Variants in MSL3 observed in about 807,000 individuals in gnomAD.
MSL3 encodes the protein MSL complex subunit 3, also known as MSL3-like 1.
MSL3 carries 5 observed loss-of-function variants against 37.2 expected under a neutral mutation model. That is an observed-to-expected ratio of 0.13 (90% CI 0.07 to 0.28). The LOEUF (loss-of-function observed/expected upper bound fraction) is 0.28. MSL3 is among the 10% of genes least tolerant of loss of function. MSL3 has a pLI of 1.00. For missense variants in MSL3, 315 were observed against 408.5 expected (o/e 0.77, Z 1.97); for synonymous variants, 149 against 147.6 (o/e 1.01, Z -0.07).
intron 12 of MSL3, among the ~76,000 whole-genome samples, chrX:11,773,258 G>T (rs1410777281): frequency 8.9e-6 from 1 of 111,979 alleles, no homozygotes; most frequent in African/African-American, 3.2e-5. Context: ...AGGATCATTT[G>T]ATCTGAGGCT....
At chrX:11,770,697 C>G (rs1289013844) in intron 10 of MSL3, among the ~76,000 whole-genome samples, 2 of 111,526 alleles carry the variant, frequency 1.8e-5, no homozygotes, top group African/African-American at 6.5e-5. Context: ...CCATGCATAC[C>G]CCACTGGGAA....
intron 9 of MSL3, chrX:11,768,370 C>T (rs998167527): frequency 5.7e-6 from 2 of 352,431 alleles, no homozygotes; most frequent in Middle Eastern, 7.9e-4. Context: ...AAGGTTCATC[C>T]ACATTGTAGC....
At position 11,775,173 on chromosome X, in the gene MSL3, A is replaced by G; in HGVS notation, c.*94A>G. On this transcript the variant is annotated 3_prime_UTR_variant, in exon 13 of 13. Transcript: ENST00000312196. ...AACAAGGTGGTGGGTCTTTACCCAC[A>G]GCGCAAACACAATGCCCACCTTGGG... 1.6e-6 allele frequency: 1 copy of G among 615,824 alleles called. No homozygotes were observed. Among genetic ancestry groups the G allele is most frequent in the Non-Finnish European group, 2.7e-6 (1 of 376,157 alleles). The allele number at this position is 615,824 out of a possible 1,213,427, so 50.8% of individuals were successfully genotyped here. A position where few individuals can be genotyped will look rare whatever the true frequency, so the allele number is the denominator to read the frequency against.
At chrX:11,763,072 A>G in intron 7 of MSL3, 75 bp downstream of exon 7, 3 of 818,943 alleles carry the variant, frequency 3.7e-6, no homozygotes, top group Non-Finnish European at 3.4e-6. Context: ...AACAGGTGAC[A>G]CTTGTCTCTA....
intron 1 of MSL3, chrX:11,758,861 T>C: frequency 1.0e-6 from 1 of 964,468 alleles, no homozygotes; most frequent in Non-Finnish European, 1.4e-6. Flanking sequence ...CCATCCCGCC[T>C]GTAGGCCGTG....
chrX:11,758,502 G>A (rs1302830475), intron 1 of MSL3, 137 bp downstream of exon 1: 1 of 1,012,394 alleles, frequency 9.9e-7, no homozygotes, highest in Non-Finnish European at 1.3e-6. Context: ...CGGCCGGCAG[G>A]GGGCGCTCAC....
chrX:11,758,787 G>A, intron 1 of MSL3: 1 of 1,163,381 alleles, frequency 8.6e-7, no homozygotes, highest in Non-Finnish European at 1.1e-6. Context: ...CTAATTCATA[G>A]TTACACGGCG....
Position 11,768,584 on chromosome X carries a change from C to T in MSL3, c.1183C>T (p.His395Tyr). The T allele has an allele frequency of 8.4e-7, 1 of 1,192,918 alleles. No individual in the cohort carries two copies. ...TTTTTCTTTGGAAGAGACACCTGTG[C>T]ATAGCAGATCATCTTCACCTATTCC... ...FLHLEKKTPV[H>Y]SRSSSPIPLT... is the part of the protein sequence containing the mutation. The change falls in exon 10 of 13, where the codon CAT becomes TAT. Residue 395 changes from histidine to tyrosine, a missense_variant. Coordinates refer to ENST00000312196, the MANE Select transcript of MSL3 (RefSeq NM_078629.4).
At chrX:11,760,110 A>T (rs183384199) in intron 2 of MSL3, 3 of 391,370 alleles carry the variant, frequency 7.7e-6, no homozygotes, top group East Asian at 8.4e-5. Context: ...CTTGTAGAGA[A>T]GTTTGATTCA....
intron 1 of MSL3, 153 bp from the exon 2 acceptor site, chrX:11,759,640 A>G (rs2147242012): frequency 9.1e-7 from 1 of 1,099,113 alleles, no homozygotes; most frequent in East Asian, 3.3e-5. Flanking sequence ...ACTTGGGGGA[A>G]AAAAATGAAA....
At chrX:11,767,827 G>A in intron 9 of MSL3, 1 of 727,235 alleles carries the variant, frequency 1.4e-6, no homozygotes, top group Non-Finnish European at 1.6e-6. Context: ...AGATTTGCCA[G>A]TTTGGGGCAT....
chrX:11,774,438 G>A (rs778019520), intron 12 of MSL3, among the ~76,000 whole-genome samples: 1 of 111,278 alleles, frequency 9.0e-6, no homozygotes, highest in South Asian at 3.8e-4. Flanking sequence ...TCCTGCCTCA[G>A]CCTCCCGAGT....
chrX:11,767,977 T>A (rs1248862033), intron 9 of MSL3: 5 of 724,618 alleles, frequency 6.9e-6, no homozygotes, highest in Non-Finnish European at 4.9e-6. Flanking sequence ...CTTTTTCTGT[T>A]TCTCTTTGTA....
chrX:11,765,691 C>T lies in MSL3; in HGVS notation c.1133C>T (p.Ser378Phe). 1.6e-6 allele frequency: 2 copies of T among 1,212,153 alleles called. No homozygotes were observed. The highest frequency in any genetic ancestry group is 1.1e-6 in the Non-Finnish European group (1 of 895,566). Residue 378 changes from serine to phenylalanine, a missense_variant, in exon 9 of 13, where the codon TCC (serine) becomes TTC (phenylalanine). Transcript: ENST00000312196. ...CCCAAGCGCCGGCAGCAGGACACAT[C>T]CGCCAGCATGCCCAAGCTCTTCCTG... is the stretch of plus-strand genomic sequence containing the variant. Reference protein sequence around the residue: ...PQPKRRQQDTSASMPKLFLHL... With the variant: ...PQPKRRQQDTFASMPKLFLHL...
In MSL3 at chrX:11,768,570, A is replaced by T; in HGVS notation, c.1172-3A>T. 2.6e-6 allele frequency: 3 copies of T among 1,158,496 alleles called. No homozygotes were observed. The highest frequency in any genetic ancestry group is 3.5e-6 in the Non-Finnish European group (3 of 848,547). ...TGAATAATTTCATCTTTTTCTTTGG[A>T]AGAGACACCTGTGCATAGCAGATCA... On this transcript the variant is annotated splice_region_variant and splice_polypyrimidine_tract_variant and intron_variant, in intron 9 of 12. Transcript: ENST00000312196.
chrX:11,767,238 T>A (rs749959221), intron 9 of MSL3: 6 of 754,755 alleles, frequency 7.9e-6, no homozygotes, highest in Non-Finnish European at 9.4e-6. Context: ...GAAGAAGGCA[T>A]ACCTTTAAGA....
intron 9 of MSL3, 96 bp from the exon 10 acceptor site, chrX:11,768,477 A>T (rs1244072040): frequency 1.8e-6 from 1 of 559,686 alleles, no homozygotes. Flanking sequence ...AATTTCTGAG[A>T]ACCAAGTTTA....
chrX:11,768,767 G>A, intron 10 of MSL3, 85 bp downstream of exon 10: 1 of 599,761 alleles, frequency 1.7e-6, no homozygotes, highest in Non-Finnish European at 2.8e-6. Flanking sequence ...GGTTCTTAAA[G>A]CATCATGTTG....
chrX:11,766,743 T>C (rs769909128), intron 9 of MSL3: 285 of 753,276 alleles, frequency 3.8e-4, no homozygotes, highest in Middle Eastern at 7.5e-4. Context: ...GAAACAGAGC[T>C]ACGCCAGCAG....
Sources: allele counts gnomAD v4.1 joint callset (sites outside exome capture counted in the v4.1 genomes callset), GRCh38; gene constraint gnomAD v4.1.1; transcripts MANE v1.5; gene names NCBI Gene and HGNC (gene_info 2026-07-23, HGNC 2026-07-21).